Variants in PTPRT observed in about 807,000 individuals in gnomAD.
PTPRT encodes receptor-type tyrosine-protein phosphatase T.
In PTPRT, 56 loss-of-function variants were observed where a neutral mutation model predicts 176.8. The observed-to-expected ratio is 0.32, with a 90% CI of 0.26 to 0.40. PTPRT has a LOEUF of 0.40. Ranked by LOEUF, PTPRT falls within the 10% of genes least tolerant of loss-of-function variation. The pLI is 1.00. For missense variants in PTPRT, 1,540 were observed against 1,908.2 expected (o/e 0.81, Z 3.60); for synonymous variants, 783 against 739.0 (o/e 1.06, Z -0.96).
chr20:42,997,102 C>T (rs772942208), intron 1 of PTPRT, among the ~76,000 whole-genome samples: 12 of 152,088 alleles, frequency 7.9e-5, no homozygotes, highest in South Asian at 4.2e-4. Flanking sequence ...GTGAAAGGAG[C>T]GGGAAAAAAA....
chr20:42,379,893 C>T (rs1419069353), intron 9 of PTPRT, among the ~76,000 whole-genome samples: 1 of 152,174 alleles, frequency 6.6e-6, no homozygotes, highest in Non-Finnish European at 1.5e-5. Flanking sequence ...ATTACAAAGG[C>T]AGTCAGAGCA....
the PTPRT span, among the ~76,000 whole-genome samples, chr20:42,041,921 G>C: frequency 2.6e-5 from 4 of 152,182 alleles, no homozygotes; most frequent in African/African-American, 9.6e-5. Flanking sequence ...CTATGCCCTA[G>C]CTTCAATCCC....
intron 4 of PTPRT, among the ~76,000 whole-genome samples, chr20:42,774,264 A>G (rs1443886543): frequency 6.6e-6 from 1 of 152,218 alleles, no homozygotes; most frequent in Non-Finnish European, 1.5e-5. Flanking sequence ...GAGAAAAATA[A>G]AGATTTCTTT....
intron 1 of PTPRT, among the ~76,000 whole-genome samples, chr20:42,950,243 T>A (rs899650087): frequency 6.6e-6 from 1 of 152,192 alleles, no homozygotes; most frequent in Non-Finnish European, 1.5e-5. Context: ...ACAGAGCTGA[T>A]CTGTCTATAA....
chr20:42,897,720 T>C (rs2079328166), intron 1 of PTPRT, among the ~76,000 whole-genome samples: 1 of 152,176 alleles, frequency 6.6e-6, no homozygotes, highest in African/African-American at 2.4e-5. Context: ...ATCTAAGCTC[T>C]GCTATTTTTT....
intron 7 of PTPRT, among the ~76,000 whole-genome samples, chr20:42,553,879 G>A (rs909425453): frequency 2.6e-5 from 4 of 152,084 alleles, no homozygotes; most frequent in Non-Finnish European, 4.4e-5. Flanking sequence ...GGATGCAGAA[G>A]ACATTTCTAA....
chr20:42,641,670 A>C (rs575972475), intron 7 of PTPRT, among the ~76,000 whole-genome samples: 1 of 152,252 alleles, frequency 6.6e-6, no homozygotes, highest in Admixed American at 6.5e-5. Flanking sequence ...AGAACTTGCA[A>C]ATGGCTTGGA....
At chr20:42,654,552 G>A (rs547739099) in intron 7 of PTPRT, among the ~76,000 whole-genome samples, 158 of 152,260 alleles carry the variant, frequency 1.0e-3, no homozygotes, top group African/African-American at 3.6e-3. Flanking sequence ...AGGGACAAGC[G>A]AAAGAGTTAT....
chr20:42,922,091 A>T (rs942696154), intron 1 of PTPRT, among the ~76,000 whole-genome samples: 4 of 151,992 alleles, frequency 2.6e-5, no homozygotes, highest in Admixed American at 2.6e-4. Flanking sequence ...GTGTACCACC[A>T]CACCTAGCTA....
intron 1 of PTPRT, among the ~76,000 whole-genome samples, chr20:43,035,116 C>T (rs1986321571): frequency 6.6e-6 from 1 of 152,170 alleles, no homozygotes; most frequent in Non-Finnish European, 1.5e-5. Context: ...AACTGCAACT[C>T]TGAAACCTCA....
chr20:42,639,103 G>T (rs2074676699), intron 7 of PTPRT, among the ~76,000 whole-genome samples: 1 of 152,052 alleles, frequency 6.6e-6, no homozygotes, highest in East Asian at 1.9e-4. Flanking sequence ...CTTTAAATCT[G>T]AACCAGCTCA....
At chr20:42,144,258 G>T (rs61191491) in intron 17 of PTPRT, among the ~76,000 whole-genome samples, 2,104 of 152,298 alleles carry the variant, frequency 0.014, 49 homozygotes, top group African/African-American at 0.048. Flanking sequence ...AAACAGGATT[G>T]GGGAGGTAAG....
chr20:42,963,084 C>T (rs918134774), intron 1 of PTPRT, among the ~76,000 whole-genome samples: 1 of 152,114 alleles, frequency 6.6e-6, no homozygotes, highest in Non-Finnish European at 1.5e-5. Context: ...CCTGTAGTTC[C>T]AGCTACTCGG....
At chr20:42,311,063 A>G (rs2057620737) in intron 12 of PTPRT, among the ~76,000 whole-genome samples, 1 of 152,214 alleles carries the variant, frequency 6.6e-6, no homozygotes. Context: ...TAAACATTTA[A>G]TGACTGACTT....
chr20:43,044,532 CCT>C (rs1398044746), intron 1 of PTPRT, among the ~76,000 whole-genome samples: 3 of 152,164 alleles, frequency 2.0e-5, no homozygotes, highest in Non-Finnish European at 4.4e-5. Context: ...GGAACATTTC[CCT>C]CTTTTCAGAA....
intron 16 of PTPRT, among the ~76,000 whole-genome samples, chr20:42,180,623 A>G (rs2146586492): frequency 6.6e-6 from 1 of 152,328 alleles, no homozygotes; most frequent in East Asian, 1.9e-4. Flanking sequence ...AAAAGTGCAT[A>G]ATATGTCAGG....
chr20:42,809,149 C>G (rs529291866), intron 2 of PTPRT, among the ~76,000 whole-genome samples: 1 of 152,300 alleles, frequency 6.6e-6, no homozygotes, highest in African/African-American at 2.4e-5. Flanking sequence ...GAATCAAAAG[C>G]CCAAGCACGA....
chr20:43,082,227 AT>A (rs573427670), intron 1 of PTPRT, among the ~76,000 whole-genome samples: 22 of 152,210 alleles, frequency 1.4e-4, no homozygotes, highest in Middle Eastern at 3.4e-3. Context: ...GAGATTAACC[AT>A]TTATTCTGTA....
chr20:43,032,492 C>G (rs868035291), intron 1 of PTPRT, among the ~76,000 whole-genome samples: 1 of 113,912 alleles, frequency 8.8e-6, no homozygotes, highest in Admixed American at 9.3e-5. Context: ...AAAAAAAAAA[C>G]AGTGGCAAAT....
Sources: gnomAD v4.1 joint callset for allele counts (sites outside exome capture counted in the v4.1 genomes callset) on GRCh38, gnomAD v4.1.1 for gene constraint, MANE v1.5 for transcripts, NCBI Gene and HGNC (gene_info 2026-07-23, HGNC 2026-07-21) for gene names.